Variants in TAFA2 observed in about 807,000 individuals in gnomAD.
The protein encoded by TAFA2 is chemokine-like protein TAFA-2.
TAFA2 carries 7 observed loss-of-function variants against 18.8 expected under a neutral mutation model. The ratio of observed to expected loss-of-function variants is 0.37; its 90% CI spans 0.21 to 0.70. TAFA2 has a LOEUF of 0.70. TAFA2 is among the 30% of genes least tolerant of loss of function. The probability of loss-of-function intolerance (pLI) is 0.53; values close to 1 mark genes in which losing one functional copy is unlikely to be tolerated. For missense variants in TAFA2, 122 were observed against 158.1 expected, an observed-to-expected ratio of 0.77 and a Z score of 1.23; for synonymous variants, 60 against 54.2, an observed-to-expected ratio of 1.11 and a Z score of -0.47.
At chr12:61,940,565 C>A (rs369098257) in intron 1 of TAFA2, among the ~76,000 whole-genome samples, 1 of 152,212 alleles carries the variant, frequency 6.6e-6, no homozygotes, top group African/African-American at 2.4e-5. Context: ...AGGTAACAAT[C>A]ACATAGATTA....
chr12:61,997,274 T>A (rs1168729756), intron 1 of TAFA2, among the ~76,000 whole-genome samples: 2 of 151,638 alleles, frequency 1.3e-5, no homozygotes, highest in Non-Finnish European at 2.9e-5. Context: ...CAGACTATGA[T>A]CAGAGAAGGG....
At chr12:62,061,961 G>GA (rs1461473139) in intron 1 of TAFA2, among the ~76,000 whole-genome samples, 12 of 151,834 alleles carry the variant, frequency 7.9e-5, no homozygotes, top group Admixed American at 7.2e-4. Context: ...GAGGCTCGGG[G>GA]AAAAAAAAGA....
intron 2 of TAFA2, among the ~76,000 whole-genome samples, chr12:61,794,817 T>C (rs1333705202): frequency 2.6e-5 from 4 of 152,054 alleles, no homozygotes; most frequent in Non-Finnish European, 5.9e-5. Flanking sequence ...AAAAAATTTT[T>C]GCAATCTACT....
intron 2 of TAFA2, among the ~76,000 whole-genome samples, chr12:61,866,021 G>A (rs1874339350): frequency 6.6e-6 from 1 of 151,980 alleles, no homozygotes; most frequent in African/African-American, 2.4e-5. Flanking sequence ...GAGACCACAG[G>A]GAATGTCCTC....
chr12:62,257,521 TA>T (rs1251208700), intron 1 of TAFA2, among the ~76,000 whole-genome samples: 4 of 152,162 alleles, frequency 2.6e-5, no homozygotes, highest in Non-Finnish European at 2.9e-5. Context: ...GGTTTGGAAT[TA>T]CTAGAGGGTA....
chr12:61,967,856 A>T (rs930092146), intron 1 of TAFA2, among the ~76,000 whole-genome samples: 1 of 151,854 alleles, frequency 6.6e-6, no homozygotes, highest in Non-Finnish European at 1.5e-5. Context: ...ATGCTCCAAT[A>T]AAGAAGATTA....
At chr12:61,952,886 A>G (rs897414997) in intron 1 of TAFA2, among the ~76,000 whole-genome samples, 5 of 152,068 alleles carry the variant, frequency 3.3e-5, no homozygotes, top group African/African-American at 1.2e-4. Context: ...TTTTGCACCC[A>G]AGATCAAGTT....
chr12:62,243,158 T>C (rs189992872), intron 1 of TAFA2, among the ~76,000 whole-genome samples: 686 of 152,356 alleles, frequency 4.5e-3, no homozygotes, highest in Non-Finnish European at 7.3e-3. Flanking sequence ...TTTCATGCTT[T>C]GAATAAGAAA....
chr12:61,861,256 C>CT (rs1172711323), intron 2 of TAFA2, among the ~76,000 whole-genome samples: 13,579 of 117,080 alleles, frequency 0.12, 1,038 homozygotes, highest in East Asian at 0.29. Context: ...CTGGCCTCGC[C>CT]TTTTTTTTTT....
intron 2 of TAFA2, among the ~76,000 whole-genome samples, chr12:61,816,919 G>T (rs984603714): frequency 6.6e-6 from 1 of 151,218 alleles, no homozygotes; most frequent in Non-Finnish European, 1.5e-5. Flanking sequence ...CACTAAGACA[G>T]CCAGATTATT....
intron 1 of TAFA2, chr12:62,136,131 G>A (rs576602208): frequency 9.2e-5 from 14 of 152,146 alleles, no homozygotes; most frequent in Non-Finnish European, 1.9e-4. Context: ...CTAGTTAGCA[G>A]GTGAACATTT....
At chr12:61,934,701 C>T (rs1449452550) in intron 1 of TAFA2, among the ~76,000 whole-genome samples, 1 of 152,186 alleles carries the variant, frequency 6.6e-6, no homozygotes, top group Admixed American at 6.5e-5. Flanking sequence ...TTCTGCATCT[C>T]AGAAGCTGTG....
intron 4 of TAFA2, among the ~76,000 whole-genome samples, chr12:61,730,617 C>T (rs1054296361): frequency 6.6e-6 from 1 of 151,948 alleles, no homozygotes; most frequent in Non-Finnish European, 1.5e-5. Context: ...ATGTGGTTCT[C>T]AGGCCAATCG....
At chr12:62,101,663 G>A (rs1279159818) in intron 1 of TAFA2, among the ~76,000 whole-genome samples, 3 of 152,178 alleles carry the variant, frequency 2.0e-5, no homozygotes, top group Non-Finnish European at 2.9e-5. Context: ...TTCTACTTCA[G>A]CACAGTAGGA....
intron 1 of TAFA2, among the ~76,000 whole-genome samples, chr12:62,169,530 C>T (rs2062462760): frequency 6.6e-6 from 1 of 152,052 alleles, no homozygotes; most frequent in African/African-American, 2.4e-5. Flanking sequence ...AGAGGTGATA[C>T]ATTAGACTTA....
intron 2 of TAFA2, among the ~76,000 whole-genome samples, chr12:61,791,788 C>T (rs941161476): frequency 5.3e-5 from 8 of 151,594 alleles, no homozygotes; most frequent in Non-Finnish European, 7.4e-5. Flanking sequence ...TTAGTATAGT[C>T]ATTGTGGAAA....
intron 1 of TAFA2, among the ~76,000 whole-genome samples, chr12:61,871,821 G>A (rs61942651): frequency 0.093 from 14,108 of 152,186 alleles, 883 homozygotes; most frequent in Middle Eastern, 0.15. Context: ...GGCCAGATGC[G>A]GTTGTTCATG....
At chr12:61,872,309 TTTTTTAAGTC>T (rs1874646312) in intron 1 of TAFA2, among the ~76,000 whole-genome samples, 1 of 152,122 alleles carries the variant, frequency 6.6e-6, no homozygotes, top group Non-Finnish European at 1.5e-5. Context: ...AAGGGAATAT[TTTTTTAAGTC>T]TTTTTAGGAA....
intron 1 of TAFA2, among the ~76,000 whole-genome samples, chr12:62,044,876 T>C (rs932188256): frequency 6.6e-6 from 1 of 152,130 alleles, no homozygotes; most frequent in Non-Finnish European, 1.5e-5. Context: ...GAGAACAGAA[T>C]AAGACCCAGG....
Sources: allele counts gnomAD v4.1 joint callset (sites outside exome capture counted in the v4.1 genomes callset), GRCh38; gene constraint gnomAD v4.1.1; transcripts MANE v1.5; gene names NCBI Gene and HGNC (gene_info 2026-07-23, HGNC 2026-07-21).